AR: variants seen among roughly 807,000 people sequenced by gnomAD.
AR encodes the protein androgen receptor.
A neutral mutation model predicts 53.9 loss-of-function variants in AR; 8 were observed. The observed-to-expected ratio is 0.15, with a 90% confidence interval of 0.09 to 0.27. The LOEUF (loss-of-function observed/expected upper bound fraction) is 0.27, where lower values mean the gene tolerates loss of function less well. AR is among the 10% of genes least tolerant of loss of function. The pLI, the probability that AR is intolerant of heterozygous loss-of-function variation, is 1.00. For missense variants in AR, 639 were observed against 742.5 expected (o/e 0.86, Z 1.62); for synonymous variants, 359 against 316.4 (o/e 1.13, Z -1.43).
At chrX:67,715,458 A>G (rs1270979955) in intron 4 of AR, among the ~76,000 whole-genome samples, 1 of 111,088 alleles carries the variant, frequency 9.0e-6, no homozygotes, top group African/African-American at 3.3e-5. Flanking sequence ...ATCTAAAAGA[A>G]AAGAACAGGG....
intron 1 of AR, among the ~76,000 whole-genome samples, chrX:67,606,710 G>C: frequency 8.9e-6 from 1 of 112,341 alleles, no homozygotes; most frequent in Non-Finnish European, 1.9e-5. Context: ...TTGAGGCTTG[G>C]CAATTATTAG....
At chrX:67,603,132 T>C (rs1923458312) in intron 1 of AR, among the ~76,000 whole-genome samples, 1 of 111,866 alleles carries the variant, frequency 8.9e-6, no homozygotes, top group Non-Finnish European at 1.9e-5. Context: ...CTAGGTAGAC[T>C]TTCCCACAAT....
rs763341870 is a variant in AR, at chrX:67,546,212, G to A, written c.1066G>A (p.Ala356Thr). ...CTACAAGTCCGGAGCACTGGACGAG[G>A]CAGCTGCGTACCAGAGTCGCGACTA... The part of the protein sequence containing the change: ...SLYKSGALDE[A>T]AAYQSRDYYN... The change falls in exon 1 of 8, where the codon GCA (alanine) becomes ACA (threonine). Residue 356 changes from alanine to threonine, a missense_variant. Physicochemically the swap from Ala to Thr is moderately conservative, Grantham distance 58 (BLOSUM62 0). Coordinates refer to ENST00000374690, the MANE Select transcript of AR (RefSeq NM_000044.6). 59 of 1,210,439 alleles carry A rather than the reference G, an allele frequency of 4.9e-5. No homozygotes were observed. The highest frequency in any genetic ancestry group is 6.6e-5 in the Non-Finnish European group (59 of 895,206).
chrX:67,711,455 T>C lies in AR; in HGVS notation c.1939T>C (p.Ser647Pro), dbSNP rs1283663633. The change falls in exon 4 of 8, where the codon TCC (serine) becomes CCC (proline). Residue 647 changes from serine to proline, a missense_variant. Transcript: ENST00000374690. ...GAAACTACAGGAGGAAGGAGAGGCT[T>C]CCAGCACCACCAGCCCCACTGAGGA... ...NLKLQEEGEA[S>P]STTSPTEETT... The C allele has an allele frequency of 1.7e-6, 2 of 1,204,800 alleles. No homozygotes were observed. Among genetic ancestry groups the C allele is most frequent in the Admixed American group, 2.2e-5 (1 of 45,265 alleles).
intron 1 of AR, among the ~76,000 whole-genome samples, chrX:67,600,340 C>T (rs913034968): frequency 9.0e-6 from 1 of 111,315 alleles, no homozygotes; most frequent in African/African-American, 3.3e-5. Context: ...TACATATATA[C>T]AACCGAGTAC....
At chrX:67,703,629 T>C (rs2076052048) in intron 3 of AR, among the ~76,000 whole-genome samples, 1 of 112,129 alleles carries the variant, frequency 8.9e-6, no homozygotes, top group Non-Finnish European at 1.9e-5. Context: ...TCAATATGTA[T>C]GTTACAGTGC....
intron 1 of AR, among the ~76,000 whole-genome samples, chrX:67,639,431 T>A (rs760130238): frequency 8.9e-6 from 1 of 112,319 alleles, no homozygotes; most frequent in African/African-American, 3.2e-5. Context: ...TTCATGATAA[T>A]GATTCTTCCT....
intron 2 of AR, among the ~76,000 whole-genome samples, chrX:67,673,012 T>G (rs988863526): frequency 9.0e-6 from 1 of 110,542 alleles, no homozygotes; most frequent in Admixed American, 9.7e-5. Flanking sequence ...TTCAAGGATA[T>G]TTTCACTGGA....
Position 67,667,738 on chromosome X carries a change from A to G in AR, c.1769-18272A>G, listed in dbSNP as rs566758564. The stretch of plus-strand genomic sequence containing the variant: ...ATTTGGATGTCTTCTTCAATTTCTT[A>G]TATTAATTTTTTTTTAGTTTTCATT... On this transcript the variant is annotated intron_variant, in intron 2 of 7. Coordinates refer to ENST00000374690, the MANE Select transcript of AR (RefSeq NM_000044.6). Among the ~76,000 whole-genome samples the G allele has an allele frequency of 3.3e-4, 37 of 110,693 alleles. No homozygotes were observed. In the South Asian group the frequency reaches 0.012, roughly 36 times the overall value.
intron 1 of AR, among the ~76,000 whole-genome samples, chrX:67,607,607 A>T (rs1474934199): frequency 1.8e-5 from 2 of 112,244 alleles, no homozygotes; most frequent in Non-Finnish European, 3.8e-5. Flanking sequence ...CTTACCTCAC[A>T]GGGTTATTGT....
chrX:67,701,617 G>A (rs1349634659), intron 3 of AR, among the ~76,000 whole-genome samples: 1 of 110,801 alleles, frequency 9.0e-6, no homozygotes, highest in African/African-American at 3.3e-5. Flanking sequence ...ATGTGCCCAT[G>A]CACAAGCATG....
At chrX:67,656,895 C>G (rs538463416) in intron 2 of AR, among the ~76,000 whole-genome samples, 1 of 108,549 alleles carries the variant, frequency 9.2e-6, no homozygotes, top group East Asian at 3.0e-4. Context: ...GTCATTCTCT[C>G]AAAGATCTTA....
In AR at chrX:67,723,956, G is replaced by A. The variant is rs1316670038; in HGVS notation, c.*115G>A. ...GCCTTGGGGAATTTCCTCTATTGATGTACAGTCTGTCATGAACATGTTCCT... is the reference window on the plus strand; with the variant it reads ...GCCTTGGGGAATTTCCTCTATTGATATACAGTCTGTCATGAACATGTTCCT... On this transcript the variant is annotated 3_prime_UTR_variant, in exon 8 of 8. Transcript: ENST00000374690. 5.5e-5 allele frequency: 53 copies of A among 969,566 alleles called. No individual in the cohort carries two copies. Among genetic ancestry groups the A allele is most frequent in the African/African-American group, 9.6e-5 (5 of 52,111 alleles). 79.9% of individuals were successfully genotyped at this position (969,566 alleles called of 1,213,427 possible).
chrX:67,675,663 TG>T (rs1242273003), intron 2 of AR, among the ~76,000 whole-genome samples: 2 of 111,913 alleles, frequency 1.8e-5, no homozygotes, highest in East Asian at 5.7e-4. Context: ...TGCTGGGGGC[TG>T]GGGGAGGGAT....
chrX:67,693,373 A>G (rs1438872266), intron 3 of AR, among the ~76,000 whole-genome samples: 1 of 112,199 alleles, frequency 8.9e-6, no homozygotes, highest in Admixed American at 9.5e-5. Flanking sequence ...ACAATAGGCC[A>G]TATATACAAA....
Position 67,545,744 on chromosome X carries a change from G to A in AR, c.598G>A (p.Glu200Lys), listed in dbSNP as rs1352033793. The change falls in exon 1 of 8, where the codon GAA becomes AAA. Residue 200 changes from glutamate (E) to lysine (K), a missense_variant. Coordinates refer to ENST00000374690, the MANE Select transcript of AR (RefSeq NM_000044.6). ...TMQLLQQQQQ[E>K]AVSEGSSSGR... ...GCAACTCCTTCAGCAACAGCAGCAG[G>A]AAGCAGTATCCGAAGGCAGCAGCAG... 10 of 1,210,170 alleles carry A rather than the reference G, an allele frequency of 8.3e-6. No homozygotes were observed. Among genetic ancestry groups the A allele is most frequent in the African/African-American group, 5.2e-5 (3 of 57,359 alleles).
chrX:67,584,116 T>C (rs1239409564), intron 1 of AR, among the ~76,000 whole-genome samples: 2 of 112,096 alleles, frequency 1.8e-5, no homozygotes, highest in Non-Finnish European at 3.8e-5. Flanking sequence ...ATAGCATTTG[T>C]TACTACTTAT....
intron 1 of AR, among the ~76,000 whole-genome samples, chrX:67,606,021 G>T (rs1003302363): frequency 1.8e-5 from 2 of 112,017 alleles, no homozygotes; most frequent in Non-Finnish European, 3.8e-5. Context: ...GTTTTCAGTC[G>T]AACAGGGGAG....
At chrX:67,553,501 T>C (rs1471923671) in intron 1 of AR, among the ~76,000 whole-genome samples, 1 of 112,138 alleles carries the variant, frequency 8.9e-6, no homozygotes, top group Non-Finnish European at 1.9e-5. Context: ...TCTTCAACTT[T>C]GGTCTTCTTT....
Sources: gnomAD v4.1 joint callset for allele counts (sites outside exome capture counted in the v4.1 genomes callset) on GRCh38, gnomAD v4.1.1 for gene constraint, MANE v1.5 for transcripts, NCBI Gene and HGNC (gene_info 2026-07-23, HGNC 2026-07-21) for gene names.